The following CREB5 variants were observed in gnomAD, a reference collection of about 807,000 sequenced individuals.
The protein encoded by CREB5 is cAMP responsive element binding protein 5.
A neutral mutation model predicts 57.1 loss-of-function variants in CREB5; 19 were observed. The ratio of observed to expected loss-of-function variants is 0.33; its 90% CI spans 0.23 to 0.49. CREB5 has a LOEUF of 0.49. Ranked by LOEUF, CREB5 falls within the 20% of genes least tolerant of loss-of-function variation. CREB5 has a pLI of 0.99. For synonymous variants in CREB5, 238 were observed against 238.3 expected (o/e 1.00, Z 0.01); for missense variants, 579 against 671.6 (o/e 0.86, Z 1.52).
intron 5 of CREB5, among the ~76,000 whole-genome samples, chr7:28,598,064 T>C (rs1796758295): frequency 6.6e-6 from 1 of 152,174 alleles, no homozygotes. Context: ...GGTTTGGCTG[T>C]GTCCCTGCCC....
intron 5 of CREB5, among the ~76,000 whole-genome samples, chr7:28,705,738 G>A (rs1802075253): frequency 6.6e-6 from 1 of 152,346 alleles, no homozygotes; most frequent in East Asian, 1.9e-4. Context: ...TTGAGAAACT[G>A]AGCAAGTCAC....
At chr7:28,744,704 C>T (rs913598498) in intron 7 of CREB5, among the ~76,000 whole-genome samples, 2 of 152,096 alleles carry the variant, frequency 1.3e-5, no homozygotes, top group African/African-American at 2.4e-5. Context: ...ACTGAGGTCC[C>T]GGAGTTAGGA....
intron 5 of CREB5, among the ~76,000 whole-genome samples, chr7:28,627,692 T>C (rs1305738172): frequency 6.6e-6 from 1 of 152,114 alleles, no homozygotes; most frequent in Non-Finnish European, 1.5e-5. Flanking sequence ...ATGAAGTTCT[T>C]CACTTCACAC....
chr7:28,507,261 T>C (rs1188020807), intron 3 of CREB5, among the ~76,000 whole-genome samples: 1 of 152,210 alleles, frequency 6.6e-6, no homozygotes, highest in Non-Finnish European at 1.5e-5. Context: ...AAAATCATTT[T>C]CTTTTTAAAG....
At chr7:28,446,664 T>C (rs984883534) in intron 1 of CREB5, among the ~76,000 whole-genome samples, 14 of 152,134 alleles carry the variant, frequency 9.2e-5, no homozygotes, top group South Asian at 4.2e-4. Flanking sequence ...TGGTGGTGGG[T>C]GCCTGTAGGC....
intron 4 of CREB5, among the ~76,000 whole-genome samples, chr7:28,540,066 C>A (rs771382162): frequency 6.6e-6 from 1 of 152,100 alleles, no homozygotes; most frequent in Admixed American, 6.6e-5. Context: ...TTTTAAGGAA[C>A]GTTGAAGACT....
At chr7:28,333,763 A>G (rs1412726673) in intron 1 of CREB5, among the ~76,000 whole-genome samples, 5 of 152,280 alleles carry the variant, frequency 3.3e-5, no homozygotes, top group Middle Eastern at 3.4e-3. Context: ...TCCATTGTGT[A>G]TATGTACCAC....
At chr7:28,763,316 C>A (rs189745387) in intron 7 of CREB5, among the ~76,000 whole-genome samples, 106 of 152,276 alleles carry the variant, frequency 7.0e-4, no homozygotes, top group African/African-American at 2.4e-3. Flanking sequence ...GTGCCTGTTT[C>A]TTTTTAGGAC....
At chr7:28,315,669 C>T (rs6462073) in intron 1 of CREB5, among the ~76,000 whole-genome samples, 6,225 of 152,264 alleles carry the variant, frequency 0.041, 436 homozygotes, top group African/African-American at 0.14. Flanking sequence ...CGTCCCGACG[C>T]GTTGGAAAAC....
intron 5 of CREB5, among the ~76,000 whole-genome samples, chr7:28,686,711 A>G (rs1387358865): frequency 6.6e-6 from 1 of 152,176 alleles, no homozygotes; most frequent in Non-Finnish European, 1.5e-5. Flanking sequence ...CAGGGTTGCA[A>G]AGCATTTACC....
intron 1 of CREB5, among the ~76,000 whole-genome samples, chr7:28,452,895 A>G (rs1409550418): frequency 1.3e-5 from 2 of 152,214 alleles, no homozygotes; most frequent in South Asian, 2.1e-4. Flanking sequence ...CCAATGGGGA[A>G]AGCAGTACAG....
At chr7:28,630,346 C>A (rs984101) in intron 5 of CREB5, among the ~76,000 whole-genome samples, 1 of 151,620 alleles carries the variant, frequency 6.6e-6, no homozygotes, top group Non-Finnish European at 1.5e-5. Context: ...TAACAAACTG[C>A]TCACTTCCAA....
chr7:28,650,596 C>T (rs73081873), intron 5 of CREB5, among the ~76,000 whole-genome samples: 1 of 151,992 alleles, frequency 6.6e-6, no homozygotes, highest in Admixed American at 6.6e-5. Context: ...GTGCTTCCCC[C>T]CCCAACCTTC....
intron 1 of CREB5, among the ~76,000 whole-genome samples, chr7:28,395,177 G>A (rs577357385): frequency 3.3e-4 from 50 of 152,190 alleles, no homozygotes; most frequent in African/African-American, 1.2e-3. Flanking sequence ...TTTAAATGAC[G>A]TCTGTCAATC....
intron 4 of CREB5, among the ~76,000 whole-genome samples, chr7:28,544,632 G>C (rs1794345324): frequency 6.6e-6 from 1 of 152,038 alleles, no homozygotes; most frequent in Non-Finnish European, 1.5e-5. Context: ...AGAGGACAGG[G>C]CTCCTAAGAT....
At chr7:28,315,311 C>T (rs1399239440) in intron 1 of CREB5, among the ~76,000 whole-genome samples, 1 of 152,308 alleles carries the variant, frequency 6.6e-6, no homozygotes, top group Non-Finnish European at 1.5e-5. Context: ...AGACTTCTGA[C>T]CAGCCAGGGT....
chr7:28,519,008 G>A (rs748465096), intron 4 of CREB5, among the ~76,000 whole-genome samples: 15 of 152,174 alleles, frequency 9.9e-5, no homozygotes, highest in Non-Finnish European at 2.2e-4. Flanking sequence ...CTAGGTAGGG[G>A]TTGTTAGATT....
At position 28,453,958 on chromosome 7, in the gene CREB5, C is replaced by CTTTTTTTTTTTTTT. The variant is rs70977045; in HGVS notation, c.4-34204_4-34203insTTTTTTTTTTTTTT. ...AACTGAAAGAGACTCCTCTCCAATTCTTTTTTTTTTTTTGAGATGGAGTCT... is the reference window on the plus strand; with the variant it reads ...AACTGAAAGAGACTCCTCTCCAATTCTTTTTTTTTTTTTTTTTTTTTTTTTTTGAGATGGAGTCT... On this transcript the variant is annotated intron_variant, in intron 1 of 10. Coordinates refer to ENST00000357727, the MANE Select transcript of CREB5 (RefSeq NM_182898.4). Among the ~76,000 whole-genome samples, 19 of 132,572 alleles carry CTTTTTTTTTTTTTT rather than the reference C, an allele frequency of 1.4e-4. 2 individuals are homozygous for CTTTTTTTTTTTTTT. Among genetic ancestry groups the CTTTTTTTTTTTTTT allele is most frequent in the Admixed American group, 3.2e-4 (4 of 12,652 alleles). The allele number at this position is 132,572 out of a possible 152,430, so 87.0% of individuals were successfully genotyped here.
intron 4 of CREB5, among the ~76,000 whole-genome samples, chr7:28,538,463 C>A (rs979014346): frequency 1.6e-4 from 24 of 152,210 alleles, no homozygotes; most frequent in African/African-American, 5.1e-4. Context: ...CTATTTTATT[C>A]CTGATATAAT....
Sources: allele counts gnomAD v4.1 joint callset (sites outside exome capture counted in the v4.1 genomes callset), GRCh38; gene constraint gnomAD v4.1.1; transcripts MANE v1.5; gene names NCBI Gene and HGNC (gene_info 2026-07-23, HGNC 2026-07-21).